The following CAPN2 variants were observed in gnomAD, a reference collection of about 807,000 sequenced individuals.
The protein encoded by CAPN2 is calpain-2 catalytic subunit.
A neutral mutation model predicts 102.3 loss-of-function variants in CAPN2; 92 were observed. The ratio of observed to expected loss-of-function variants is 0.90; its 90% CI spans 0.76 to 1.07. CAPN2 has a LOEUF of 1.07. Ranked by LOEUF, CAPN2 falls within the 50% of genes least tolerant of loss-of-function variation. The pLI, the probability that CAPN2 is intolerant of heterozygous loss-of-function variation, is 0.00. For synonymous variants in CAPN2, 340 were observed against 355.4 expected, an observed-to-expected ratio of 0.96 and a Z score of 0.49; for missense variants, 800 against 909.4, an observed-to-expected ratio of 0.88 and a Z score of 1.55.
At position 223,764,169 on chromosome 1, in the gene CAPN2, T is replaced by G. The variant is rs778664738; in HGVS notation, c.1652T>G (p.Phe551Cys). 1.9e-6 allele frequency: 3 copies of G among 1,613,984 alleles called. No individual in the cohort carries two copies. In the Admixed American group the frequency reaches 5.0e-5, roughly 27 times the overall value. The change falls in exon 15 of 21, where the codon TTT becomes TGT. Residue 551 changes from phenylalanine (F) to cysteine (C), a missense_variant. Coordinates refer to ENST00000295006, the MANE Select transcript of CAPN2 (RefSeq NM_001748.5). ...LAGEDAEISA[F>C]ELQTILRRVL... ...CCACAGGATGCGGAGATCTCTGCCT[T>G]TGAGCTGCAGACCATCCTGAGAAGG...
chr1:223,755,890 G>T lies in CAPN2; in HGVS notation c.1305+241G>T, dbSNP rs1461470388. Among the ~76,000 whole-genome samples, 3 of 152,336 alleles carry T rather than the reference G, an allele frequency of 2.0e-5. No individual in the cohort carries two copies. Among genetic ancestry groups the T allele is most frequent in the East Asian group, 3.9e-4 (2 of 5,182 alleles). ...CGGGCCCCCCACAGCCAGCCTGCAG[G>T]GAGTTCCACTCTCAAATGGCCTCCA... On this transcript the variant is annotated intron_variant, in intron 10 of 20. Coordinates refer to ENST00000295006, the MANE Select transcript of CAPN2 (RefSeq NM_001748.5). The surrounding 1 kb of genome is among the most constrained non-coding windows in gnomAD (Gnocchi z 4.1).
At chr1:223,729,639 C>T (rs375600080) in intron 2 of CAPN2, among the ~76,000 whole-genome samples, 9 of 152,060 alleles carry the variant, frequency 5.9e-5, no homozygotes, top group African/African-American at 9.7e-5. Context: ...GAGGGGGCTC[C>T]GAGTCACAGG....
intron 1 of CAPN2, 66 bp downstream of exon 1, chr1:223,712,943 C>A: frequency 8.4e-7 from 1 of 1,185,992 alleles, no homozygotes; most frequent in Non-Finnish European, 1.1e-6. Context: ...CAGGCCGGCC[C>A]GCGGCGCGCT....
At chr1:223,703,337 T>C (rs1284157874) in intron 1 of CAPN2, among the ~76,000 whole-genome samples, 1 of 150,104 alleles carries the variant, frequency 6.7e-6, no homozygotes, top group East Asian at 2.0e-4. Flanking sequence ...TAGATGGGGG[T>C]CTCTCTATGT....
In CAPN2 at chr1:223,771,967, G is replaced by T. The variant is rs770275091; in HGVS notation, c.2020+42G>T. 7 of 1,394,790 alleles carry T rather than the reference G, an allele frequency of 5.0e-6. No individual in the cohort carries two copies. In the Admixed American group the frequency reaches 1.2e-4, roughly 23 times the overall value. 86.4% of individuals were successfully genotyped at this position (1,394,790 alleles called of 1,614,324 possible). A position where few individuals can be genotyped will look rare whatever the true frequency, so the allele number is the denominator to read the frequency against. ...GGAATGACTCATTTCAGTTCTCTTG[G>T]TATTAAAGTGGCCTGCCTTTCACCT... On this transcript the variant is annotated intron_variant, in intron 19 of 20. Transcript: ENST00000295006.
At chr1:223,772,913 C>T (rs977103265) in intron 20 of CAPN2, 9 of 152,274 alleles carry the variant, frequency 5.9e-5, no homozygotes, top group Non-Finnish European at 1.0e-4. Context: ...TCCATTATCA[C>T]CTGGCTCCAG....
Position 223,731,767 on chromosome 1 carries a change from A to G in CAPN2, c.308-12333A>G, listed in dbSNP as rs1173354167. Among the ~76,000 whole-genome samples, 1 of 152,182 alleles carries G rather than the reference A, an allele frequency of 6.6e-6. No homozygotes were observed. On this transcript the variant is annotated intron_variant, in intron 2 of 20. Transcript: ENST00000295006. This position sits in a 1 kb window ranked among gnomAD's most constrained non-coding sequence, Gnocchi z 4.2. ...GCAAGCTGGGCCCCAGGCGAGAAGC[A>G]TGGAGTGAGGGATGTGGAGGCAGCG...
chr1:223,734,003 A>G (rs1660390830), intron 2 of CAPN2, among the ~76,000 whole-genome samples: 1 of 149,760 alleles, frequency 6.7e-6, no homozygotes, highest in African/African-American at 2.6e-5. Context: ...CTCGGTCCCA[A>G]CTGCAGACTC....
At chr1:223,770,155 CAAGGGTTTCCTGAA>C in intron 17 of CAPN2, 2 of 581,496 alleles carry the variant, frequency 3.4e-6, no homozygotes, top group Non-Finnish European at 6.1e-6. Context: ...AGGCCACCAT[CAAGGGTTTCCTGAA>C]AAGGGTTTTT....
At chr1:223,746,573 G>A (rs940412514) in intron 4 of CAPN2, among the ~76,000 whole-genome samples, 1 of 146,914 alleles carries the variant, frequency 6.8e-6, no homozygotes, top group African/African-American at 2.6e-5. Flanking sequence ...CACGTTCTGA[G>A]TTTCAGCAAT....
chr1:223,705,461 G>T (rs1374310548), intron 1 of CAPN2, among the ~76,000 whole-genome samples: 1 of 152,160 alleles, frequency 6.6e-6, no homozygotes, highest in African/African-American at 2.4e-5. Flanking sequence ...GGCAGTTCTA[G>T]AATTTCGATG....
intron 2 of CAPN2, among the ~76,000 whole-genome samples, chr1:223,718,404 A>C (rs1173822257): frequency 2.0e-5 from 3 of 152,238 alleles, no homozygotes; most frequent in Non-Finnish European, 4.4e-5. Flanking sequence ...GAGTAGCTGA[A>C]TTGTCCAAAA....
intron 2 of CAPN2, among the ~76,000 whole-genome samples, chr1:223,737,896 C>G (rs1488910158): frequency 6.6e-6 from 1 of 152,058 alleles, no homozygotes; most frequent in African/African-American, 2.4e-5. Flanking sequence ...TGACACCCAA[C>G]AGCCATAAAA....
intron 2 of CAPN2, among the ~76,000 whole-genome samples, chr1:223,722,277 CTTTCTTTTTTTTTTTT>C (rs1207702755): frequency 3.0e-5 from 3 of 100,954 alleles, no homozygotes; most frequent in Admixed American, 1.2e-4. Flanking sequence ...CTTTTTCTTT[CTTTCTTTTTTTTTTTT>C]TTTTTTTTTT....
chr1:223,772,230 C>A lies in CAPN2; in HGVS notation c.2070C>A (p.Asp690Glu). The change falls in exon 20 of 21, where the codon GAC (aspartate) becomes GAA (glutamate). Residue 690 changes from aspartate to glutamate, a missense_variant. Coordinates refer to ENST00000295006, the MANE Select transcript of CAPN2 (RefSeq NM_001748.5). ...DPENTGTIEL[D>E]LISWLCFSVL ...AGAATACTGGAACAATAGAGCTCGACCTTATCTCTGTGAGTCAGCAGGCCC... is the reference window on the plus strand; with the variant it reads ...AGAATACTGGAACAATAGAGCTCGAACTTATCTCTGTGAGTCAGCAGGCCC... The A allele has an allele frequency of 6.2e-7, 1 of 1,613,974 alleles. No individual in the cohort carries two copies. The highest frequency in any genetic ancestry group is 8.5e-7 in the Non-Finnish European group (1 of 1,179,916).
At chr1:223,723,102 C>T (rs913037399) in intron 2 of CAPN2, among the ~76,000 whole-genome samples, 2 of 152,134 alleles carry the variant, frequency 1.3e-5, no homozygotes, top group African/African-American at 4.8e-5. Flanking sequence ...GCAAGAGGAT[C>T]GCTTGAACCC....
intron 13 of CAPN2, 24 bp downstream of exon 13, chr1:223,761,641 AC>A: frequency 1.2e-6 from 2 of 1,600,590 alleles, no homozygotes; most frequent in South Asian, 1.1e-5. Flanking sequence ...TTTGAATTTC[AC>A]CCACTCTGTC....
rs28370140 is a variant in CAPN2 at position 223,765,040 on chromosome 1, T to TA, written c.1690+835dup. 6.0e-3 allele frequency among the ~76,000 whole-genome samples: 915 copies of TA among 152,332 alleles called. 7 individuals are homozygous for TA. The highest frequency in any genetic ancestry group is 0.021 in the African/African-American group (867 of 41,576). ...ATCAAAAGAATCACGCTGCATTTGTTAAGAGAGCAACTGGCAATCCAGGAA... is the reference window on the plus strand; with the variant it reads ...ATCAAAAGAATCACGCTGCATTTGTTAAAGAGAGCAACTGGCAATCCAGGAA... On this transcript the variant is annotated intron_variant, in intron 15 of 20. Transcript: ENST00000295006.
intron 3 of CAPN2, 56 bp from the exon 4 acceptor site, chr1:223,745,250 C>T (rs961352227): frequency 1.7e-5 from 28 of 1,610,976 alleles, no homozygotes; most frequent in Non-Finnish European, 2.3e-5. Context: ...AGCTGAGGCT[C>T]AGAGTCCCAG....
Sources: allele counts gnomAD v4.1 joint callset (sites outside exome capture counted in the v4.1 genomes callset), GRCh38; gene constraint gnomAD v4.1.1; non-coding constraint Gnocchi (gnomAD v3.1); transcripts MANE v1.5; gene names NCBI Gene and HGNC (gene_info 2026-07-23, HGNC 2026-07-21).